Variants in EIF2AK1 observed in about 807,000 individuals in gnomAD.
EIF2AK1 encodes eukaryotic translation initiation factor 2-alpha kinase 1.
Under a neutral mutation model 77.9 loss-of-function variants are expected in EIF2AK1, and 54 were observed. The ratio of observed to expected loss-of-function variants is 0.69; its 90% CI spans 0.56 to 0.87. EIF2AK1 has a LOEUF of 0.87. EIF2AK1 is among the 40% of genes least tolerant of loss of function. The pLI is 0.00. For synonymous variants in EIF2AK1, 314 were observed against 290.5 expected (o/e 1.08, Z -0.82); for missense variants, 810 against 768.6 (o/e 1.05, Z -0.64).
chr7:6,024,525 G>A lies in EIF2AK1; in HGVS notation c.*148C>T. On this transcript the variant is annotated 3_prime_UTR_variant, in exon 15 of 15. Coordinates refer to ENST00000199389, the MANE Select transcript of EIF2AK1 (RefSeq NM_014413.4). Reference sequence around the variant, plus strand: ...GGAAAAGGAGCTTGTGGGGCAGGAAGGGAAGGAACGGCAGCTTGGGGCACT... The same window carrying A: ...GGAAAAGGAGCTTGTGGGGCAGGAAAGGAAGGAACGGCAGCTTGGGGCACT... 4 of 1,453,992 alleles carry A rather than the reference G, an allele frequency of 2.8e-6. 1 individual carries two copies. In the South Asian group the frequency reaches 5.9e-5, roughly 21 times the overall value. 90.1% of individuals were successfully genotyped at this position (1,453,992 alleles called of 1,614,324 possible).
intron 4 of EIF2AK1, 58 bp from the exon 5 acceptor site, chr7:6,047,149 G>A (rs1024457155): frequency 3.4e-6 from 5 of 1,487,266 alleles, no homozygotes; most frequent in Non-Finnish European, 9.4e-7. Context: ...AATGTTCTAG[G>A]ATACCTCATG....
At chr7:6,043,518 T>TCC (rs1441058736) in intron 7 of EIF2AK1, among the ~76,000 whole-genome samples, 1 of 152,038 alleles carries the variant, frequency 6.6e-6, no homozygotes, top group Non-Finnish European at 1.5e-5. Context: ...AACCTCCACC[T>TCC]CCCGGGTTCA....
chr7:6,058,997 A>G lies in EIF2AK1; in HGVS notation c.87T>C (p.Phe29=). 1.3e-6 allele frequency: 2 copies of G among 1,541,734 alleles called. No homozygotes were observed. Among genetic ancestry groups the G allele is most frequent in the Admixed American group, 2.0e-5 (1 of 50,548 alleles). Residue 29 remains phenylalanine, a synonymous_variant, in exon 1 of 15, where the codon TTT becomes TTC. Coordinates refer to ENST00000199389, the MANE Select transcript of EIF2AK1 (RefSeq NM_014413.4). ...GAVAAPPAID[F]PAEGPDPEYD... is the part of the protein sequence containing the mutation. ...ATTCGGGGTCCGGGCCCTCGGCGGG[A>G]AAGTCGATGGCCGGCGGCGCAGCCA...
chr7:6,058,033 A>T (rs767652146), intron 1 of EIF2AK1: 5 of 415,830 alleles, frequency 1.2e-5, no homozygotes, highest in Non-Finnish European at 2.4e-5. Flanking sequence ...TCTTTCACCT[A>T]GTTAGAGTCA....
chr7:6,054,422 T>A, intron 2 of EIF2AK1, 124 bp downstream of exon 2: 1 of 1,034,520 alleles, frequency 9.7e-7, no homozygotes, highest in Non-Finnish European at 1.4e-6. Context: ...CAAACCGATC[T>A]CGATCTCCGG....
At position 6,049,620 on chromosome 7, in the gene EIF2AK1, C is replaced by A. The variant is rs1788547229; in HGVS notation, c.411+292G>T. On this transcript the variant is annotated intron_variant, in intron 3 of 14. Transcript: ENST00000199389. ...TCCATCTGTGGCCTCTCCTTTGCCT[C>A]TCCTCTCTTTTTTTTTTTTTTTTTC... 1.4e-5 allele frequency among the ~76,000 whole-genome samples: 2 copies of A among 145,204 alleles called. 1 individual carries two copies. Among genetic ancestry groups the A allele is most frequent in the African/African-American group, 5.2e-5 (2 of 38,416 alleles).
At chr7:6,031,800 G>C (rs1400447459) in intron 11 of EIF2AK1, among the ~76,000 whole-genome samples, 1 of 152,092 alleles carries the variant, frequency 6.6e-6, no homozygotes, top group Non-Finnish European at 1.5e-5. Flanking sequence ...GAAAACACCA[G>C]ACCCTGTGTG....
intron 13 of EIF2AK1, chr7:6,028,121 A>G: frequency 2.9e-6 from 1 of 346,760 alleles, no homozygotes; most frequent in Middle Eastern, 3.9e-4. Context: ...GAAATGGTAA[A>G]GTAGGCAACA....
Position 6,026,856 on chromosome 7 carries a change from G to A in EIF2AK1, c.1636C>T (p.Pro546Ser). The change falls in exon 14 of 15, where the codon CCG becomes TCG. Residue 546 changes from proline to serine, a missense_variant. Pro to Ser is a moderately conservative substitution (Grantham distance 74). Transcript: ENST00000199389. ...VLTGLRTGQL[P>S]ESLRKRCPVQ... is the part of the protein sequence containing the mutation. ...GGACACCTTTTACGGAGGGATTCCG[G>A]CAACTGACCAGTTCTTAAACCTGTT... 3 of 1,614,160 alleles carry A rather than the reference G, an allele frequency of 1.9e-6. No homozygotes were observed. Among genetic ancestry groups the A allele is most frequent in the Non-Finnish European group, 2.5e-6 (3 of 1,180,034 alleles).
chr7:6,052,193 C>T (rs935689968), intron 2 of EIF2AK1, among the ~76,000 whole-genome samples: 1 of 146,410 alleles, frequency 6.8e-6, no homozygotes, highest in African/African-American at 2.5e-5. Flanking sequence ...AAAAAAAAGT[C>T]ATCTAAAGAG....
chr7:6,037,569 C>A, intron 10 of EIF2AK1, 45 bp from the exon 11 acceptor site: 1 of 1,166,196 alleles, frequency 8.6e-7, no homozygotes, highest in South Asian at 1.3e-5. Context: ...TTTTTTTACT[C>A]ATTACATGGG....
chr7:6,032,993 G>A lies in EIF2AK1; in HGVS notation c.1333-3961C>T. 1.4e-6 allele frequency: 2 copies of A among 1,441,238 alleles called. No homozygotes were observed. Among genetic ancestry groups the A allele is most frequent in the Non-Finnish European group, 9.4e-7 (1 of 1,058,260 alleles). 89.3% of individuals were successfully genotyped at this position (1,441,238 alleles called of 1,614,324 possible). On this transcript the variant is annotated intron_variant, in intron 11 of 14. Coordinates refer to ENST00000199389, the MANE Select transcript of EIF2AK1 (RefSeq NM_014413.4). This position sits in a 1 kb window ranked among gnomAD's most constrained non-coding sequence, Gnocchi z 4.3. ...TTTTTTCTTTTTTGTTTTGAGGCAG[G>A]GGTCTCGCTCTGTTGCCCAGGCTGG...
chr7:6,058,168 G>C, intron 1 of EIF2AK1: 1 of 455,748 alleles, frequency 2.2e-6, no homozygotes, highest in Non-Finnish European at 4.4e-6. Flanking sequence ...CCAGCATTTT[G>C]GAAGGCCGAG....
chr7:6,040,454 G>A (rs570755967), intron 9 of EIF2AK1, among the ~76,000 whole-genome samples: 30 of 152,094 alleles, frequency 2.0e-4, no homozygotes, highest in Non-Finnish European at 3.5e-4. Flanking sequence ...CTCAACAAGA[G>A]CCTCCTGAAA....
Position 6,051,649 on chromosome 7 carries a change from C to T in EIF2AK1, c.278-1604G>A, listed in dbSNP as rs530999310. Among the ~76,000 whole-genome samples, 99 of 151,908 alleles carry T rather than the reference C, an allele frequency of 6.5e-4. 1 individual carries two copies. The highest frequency in any genetic ancestry group is 3.4e-3 in the Admixed American group (52 of 15,226). The stretch of plus-strand genomic sequence containing the variant: ...TTCACCATGTTGGCCAGGCTGGTCT[C>T]GAACACCTGACCTCGTGACCCGCCC... On this transcript the variant is annotated intron_variant, in intron 2 of 14. Coordinates refer to ENST00000199389, the MANE Select transcript of EIF2AK1 (RefSeq NM_014413.4).
intron 3 of EIF2AK1, among the ~76,000 whole-genome samples, chr7:6,049,121 G>A (rs114820715): frequency 0.024 from 3,645 of 152,138 alleles, 139 homozygotes; most frequent in African/African-American, 0.084. Flanking sequence ...GGTGGCACCT[G>A]GCACCCTGCT....
chr7:6,031,635 T>G, intron 11 of EIF2AK1: 1 of 1,539,734 alleles, frequency 6.5e-7, no homozygotes, highest in Non-Finnish European at 8.8e-7. Context: ...AAAGTCAGGC[T>G]GCTTAGAAAG....
At position 6,040,954 on chromosome 7, in the gene EIF2AK1, C is replaced by T. The variant is rs756452850; in HGVS notation, c.1057G>A (p.Glu353Lys). 1.2e-6 allele frequency: 2 copies of T among 1,613,994 alleles called. No homozygotes were observed. The highest frequency in any genetic ancestry group is 2.7e-5 in the African/African-American group (2 of 74,882). Reference protein sequence around the residue: ...LPLRRNSHLEESFTSTEESSE... With the variant: ...LPLRRNSHLEKSFTSTEESSE... ...GATTCTTCGGTGGATGTGAAACTCT[C>T]CTCTAGGTGGGAATTACGCCTGAGT... Residue 353 changes from glutamate to lysine, a missense_variant, in exon 9 of 15, where the codon GAG becomes AAG. Glu to Lys is a moderately conservative substitution (Grantham distance 56). Transcript: ENST00000199389.
In EIF2AK1 at chr7:6,032,941, G is replaced by A; in HGVS notation, c.1333-3909C>T. 6.5e-7 allele frequency: 1 copy of A among 1,547,152 alleles called. No homozygotes were observed. The highest frequency in any genetic ancestry group is 8.7e-7 in the Non-Finnish European group (1 of 1,144,034). ...CGGTGCTGACCCAGAAGTCAGGTAA[G>A]TTAACTCCACCGAAAATCATTTCTT... On this transcript the variant is annotated intron_variant, in intron 11 of 14. Coordinates refer to ENST00000199389, the MANE Select transcript of EIF2AK1 (RefSeq NM_014413.4). The surrounding 1 kb of genome is among the most constrained non-coding windows in gnomAD (Gnocchi z 4.3).
Sources: allele counts gnomAD v4.1 joint callset (sites outside exome capture counted in the v4.1 genomes callset), GRCh38; gene constraint gnomAD v4.1.1; non-coding constraint Gnocchi (gnomAD v3.1); transcripts MANE v1.5; gene names NCBI Gene and HGNC (gene_info 2026-07-23, HGNC 2026-07-21).